PIAS1: variants seen among roughly 807,000 people sequenced by gnomAD.
PIAS1 encodes E3 SUMO-protein ligase PIAS1.
Under a neutral mutation model 71.3 loss-of-function variants are expected in PIAS1, and 6 were observed. The ratio of observed to expected loss-of-function variants is 0.08; its 90% CI spans 0.05 to 0.17. PIAS1 has a LOEUF of 0.17. Ranked by LOEUF, PIAS1 falls within the 10% of genes least tolerant of loss-of-function variation. PIAS1 has a pLI of 1.00. For missense variants in PIAS1, 555 were observed against 793.6 expected, an observed-to-expected ratio of 0.70 and a Z score of 3.61; for synonymous variants, 303 against 292.9, an observed-to-expected ratio of 1.03 and a Z score of -0.35.
chr15:68,188,081 GAAAAGAA>G lies in PIAS1; in HGVS notation c.*257_*263del, dbSNP rs943870568. On this transcript the variant is annotated 3_prime_UTR_variant, in exon 14 of 14. Coordinates refer to ENST00000249636, the MANE Select transcript of PIAS1 (RefSeq NM_016166.3). ...CACTTGTTTAAAAAAAAAAAGGAAA[GAAAAGAA>G]AAAAGAAAAACAAGCACCCACAAAC... 3.8e-5 allele frequency: 11 copies of G among 289,840 alleles called. No individual in the cohort carries two copies. The highest frequency in any genetic ancestry group is 2.4e-4 in the Admixed American group (5 of 20,934). The allele number at this position is 289,840 out of a possible 1,614,324, so 18.0% of individuals were successfully genotyped here.
intron 2 of PIAS1, among the ~76,000 whole-genome samples, chr15:68,110,541 A>C (rs2092514476): frequency 6.6e-6 from 1 of 152,128 alleles, no homozygotes; most frequent in Admixed American, 6.5e-5. Flanking sequence ...GGTTGCAGTG[A>C]GGCAAGATCG....
intron 12 of PIAS1, 142 bp from the exon 13 acceptor site, chr15:68,183,488 C>A (rs1287079947): frequency 1.8e-6 from 1 of 566,862 alleles, no homozygotes; most frequent in Non-Finnish European, 3.2e-6. Context: ...AGACGTAAAA[C>A]GTTTAGCTCA....
At chr15:68,175,904 A>G (rs1434948586) in intron 10 of PIAS1, 137 bp downstream of exon 10, 5 of 499,490 alleles carry the variant, frequency 1.0e-5, no homozygotes, top group Admixed American at 8.7e-5. Flanking sequence ...TTATTGATTA[A>G]ATGTTCAGAA....
At chr15:68,111,467 A>T (rs2092522998) in intron 2 of PIAS1, among the ~76,000 whole-genome samples, 1 of 152,226 alleles carries the variant, frequency 6.6e-6, no homozygotes, top group Admixed American at 6.5e-5. Context: ...ACAATTTTCA[A>T]ATAACATAAA....
chr15:68,180,079 T>A (rs916557046), intron 11 of PIAS1, among the ~76,000 whole-genome samples: 2 of 152,164 alleles, frequency 1.3e-5, no homozygotes, highest in Non-Finnish European at 2.9e-5. Flanking sequence ...TAATTGTTTT[T>A]CTTTTCAAAA....
chr15:68,179,793 G>A (rs895212788), intron 11 of PIAS1, among the ~76,000 whole-genome samples: 6 of 151,554 alleles, frequency 4.0e-5, no homozygotes, highest in Non-Finnish European at 8.8e-5. Flanking sequence ...GGTGAGGCTG[G>A]TCTCAAACTC....
At position 68,135,407 on chromosome 15, in the gene PIAS1, G is replaced by A. The variant is rs1466043747; in HGVS notation, c.470-6539G>A. Among the ~76,000 whole-genome samples the A allele has an allele frequency of 3.4e-4, 14 of 41,646 alleles. 5 individuals carry two copies. The highest frequency in any genetic ancestry group is 4.9e-4 in the African/African-American group (9 of 18,204). The allele number at this position is 41,646 out of a possible 152,430, so 27.3% of individuals were successfully genotyped here. The stretch of plus-strand genomic sequence containing the variant: ...GCCCTCCCAGACGGGGCGGCTGGCC[G>A]GGCAGAGGGGCTCCCCACCTCCCAG... On this transcript the variant is annotated intron_variant, in intron 2 of 13. Coordinates refer to ENST00000249636, the MANE Select transcript of PIAS1 (RefSeq NM_016166.3).
intron 2 of PIAS1, among the ~76,000 whole-genome samples, chr15:68,137,591 C>A (rs1190045354): frequency 6.6e-6 from 1 of 151,874 alleles, no homozygotes; most frequent in Non-Finnish European, 1.5e-5. Context: ...ATGAGAGGAA[C>A]ACGGACTTTG....
intron 2 of PIAS1, among the ~76,000 whole-genome samples, chr15:68,103,951 A>G (rs544288915): frequency 6.6e-6 from 1 of 152,340 alleles, no homozygotes; most frequent in Non-Finnish European, 1.5e-5. Context: ...TTGGTTAAAT[A>G]CCTAGAACTA....
chr15:68,107,818 A>G (rs2092485438), intron 2 of PIAS1, among the ~76,000 whole-genome samples: 1 of 152,148 alleles, frequency 6.6e-6, no homozygotes, highest in Non-Finnish European at 1.5e-5. Context: ...CTCTAAATAT[A>G]CAGTTACTTT....
At chr15:68,087,965 G>A (rs2092297730) in intron 2 of PIAS1, 1 of 281,126 alleles carries the variant, frequency 3.6e-6, no homozygotes, top group Admixed American at 4.3e-5. Context: ...TCTACTGTAT[G>A]CTTATAAAAC....
chr15:68,149,487 A>C (rs1285425661), intron 6 of PIAS1, among the ~76,000 whole-genome samples: 5 of 152,048 alleles, frequency 3.3e-5, no homozygotes, highest in Non-Finnish European at 7.4e-5. Context: ...ATTTATTTAC[A>C]ATATTTAATA....
chr15:68,163,662 T>G (rs989228054), intron 7 of PIAS1, among the ~76,000 whole-genome samples: 1 of 152,186 alleles, frequency 6.6e-6, no homozygotes, highest in African/African-American at 2.4e-5. Context: ...CATAAATGGT[T>G]ATCAGAACAG....
In PIAS1 at chr15:68,173,441, G is replaced by A. The variant is rs1010922602; in HGVS notation, c.1009-291G>A. Among the ~76,000 whole-genome samples, 1 of 151,974 alleles carries A rather than the reference G, an allele frequency of 6.6e-6. No individual in the cohort carries two copies. On this transcript the variant is annotated intron_variant, in intron 8 of 13. Coordinates refer to ENST00000249636, the MANE Select transcript of PIAS1 (RefSeq NM_016166.3). This position sits in a 1 kb window ranked among gnomAD's most constrained non-coding sequence, Gnocchi z 4.3. The stretch of plus-strand genomic sequence containing the variant: ...ACGAAATTTTGAATGTAATTCAAGG[G>A]GTTTATGACCCTCTCCACCAAAAGC...
intron 7 of PIAS1, among the ~76,000 whole-genome samples, chr15:68,154,213 C>T (rs760873329): frequency 4.7e-4 from 71 of 152,252 alleles, no homozygotes; most frequent in Non-Finnish European, 6.9e-4. Context: ...AATGCTTCTG[C>T]GAAGTCTGGG....
At chr15:68,065,753 T>C (rs2092013521) in intron 1 of PIAS1, among the ~76,000 whole-genome samples, 1 of 143,898 alleles carries the variant, frequency 6.9e-6, no homozygotes, top group Middle Eastern at 3.4e-3. Context: ...TTTTTTTTTT[T>C]TTTTGGAGAC....
intron 2 of PIAS1, among the ~76,000 whole-genome samples, chr15:68,097,790 T>C (rs1394067604): frequency 6.6e-6 from 1 of 152,190 alleles, no homozygotes; most frequent in African/African-American, 2.4e-5. Flanking sequence ...TTGTATAGTT[T>C]TTCCCATTAT....
rs1374714550 is a variant in PIAS1 at position 68,164,920 on chromosome 15, T to TA, written c.1008+117dup. 6 of 602,876 alleles carry TA rather than the reference T, an allele frequency of 1.0e-5. No individual in the cohort carries two copies. The Admixed American group carries it at 1.1e-4, about 11-fold the overall frequency. 37.3% of individuals were successfully genotyped at this position (602,876 alleles called of 1,614,324 possible). On this transcript the variant is annotated intron_variant, in intron 8 of 13. Coordinates refer to ENST00000249636, the MANE Select transcript of PIAS1 (RefSeq NM_016166.3). ...GCTTCTAAAATATGTCCACCATTGT[T>TA]ACAGTTTATGAAAAGTGGAAAGACA... is the stretch of plus-strand genomic sequence containing the variant.
chr15:68,175,172 T>C (rs1185594601), intron 9 of PIAS1, among the ~76,000 whole-genome samples: 2 of 152,228 alleles, frequency 1.3e-5, no homozygotes, highest in Non-Finnish European at 2.9e-5. Context: ...AATTTTATGC[T>C]TTCTTTATAC....
Sources: gnomAD v4.1 joint callset for allele counts (sites outside exome capture counted in the v4.1 genomes callset) on GRCh38, gnomAD v4.1.1 for gene constraint, Gnocchi (gnomAD v3.1) non-coding constraint, MANE v1.5 for transcripts, NCBI Gene and HGNC (gene_info 2026-07-23, HGNC 2026-07-21) for gene names.